Variants in TLL2 observed in about 807,000 individuals in gnomAD.
TLL2 encodes tolloid-like protein 2.
A neutral mutation model predicts 123.0 loss-of-function variants in TLL2; 106 were observed. The observed-to-expected ratio is 0.86, with a 90% CI of 0.74 to 1.01. The LOEUF (loss-of-function observed/expected upper bound fraction) is 1.01. TLL2 is among the 50% of genes least tolerant of loss of function. The pLI is 0.00. For missense variants in TLL2, 1,332 were observed against 1,336.7 expected, an observed-to-expected ratio of 1.00 and a Z score of 0.06; for synonymous variants, 494 against 516.8, an observed-to-expected ratio of 0.96 and a Z score of 0.60.
At chr10:96,374,974 G>T (rs113348540) in intron 18 of TLL2, among the ~76,000 whole-genome samples, 31,677 of 117,594 alleles carry the variant, frequency 0.27, 5,245 homozygotes, top group Non-Finnish European at 0.39. Flanking sequence ...GGGGGGGGGG[G>T]GGGTGTCAAT....
At position 96,373,812 on chromosome 10, in the gene TLL2, G is replaced by A. The variant is rs1171795736; in HGVS notation, c.2449-3C>T. On this transcript the variant is annotated splice_polypyrimidine_tract_variant and splice_region_variant and intron_variant, in intron 18 of 20. Coordinates refer to ENST00000357947, the MANE Select transcript of TLL2 (RefSeq NM_012465.4). ...TCGATCTCAAACTCATTAAAGGTCT[G>A]GGGACAGAAGAGCAGAAAGTAAGGC... is the stretch of plus-strand genomic sequence containing the variant. 1 of 1,612,554 alleles carries A rather than the reference G, an allele frequency of 6.2e-7. No individual in the cohort carries two copies. Among genetic ancestry groups the A allele is most frequent in the East Asian group, 2.2e-5 (1 of 44,872 alleles).
rs372806578 is a variant in TLL2, at chr10:96,513,450, A to G, written c.175+61T>C. The G allele has an allele frequency of 3.7e-6, 6 of 1,601,912 alleles. No homozygotes were observed. The African/African-American group carries it at 6.7e-5, about 18-fold the overall frequency. ...CATAGACGGTAGTGCAGGCTTGCCC[A>G]CCACCTCATTTGCATTTCAAAGGCA... On this transcript the variant is annotated intron_variant, in intron 1 of 20. Transcript: ENST00000357947.
chr10:96,400,684 T>G (rs1846384895), intron 10 of TLL2, among the ~76,000 whole-genome samples: 2 of 152,168 alleles, frequency 1.3e-5, no homozygotes, highest in South Asian at 4.1e-4. Context: ...CTCTCCCTAT[T>G]TCAGGGAAAG....
chr10:96,438,727 T>C (rs112772957), intron 3 of TLL2, among the ~76,000 whole-genome samples: 180 of 152,356 alleles, frequency 1.2e-3, no homozygotes, highest in African/African-American at 3.3e-3. Context: ...ATCCTTGCCT[T>C]GTTCTTGGTC....
chr10:96,429,387 A>G (rs533583744), intron 4 of TLL2, among the ~76,000 whole-genome samples: 3 of 151,156 alleles, frequency 2.0e-5, no homozygotes, highest in Admixed American at 2.0e-4. Context: ...GCTTGTTCAG[A>G]ATAGAAATAC....
intron 13 of TLL2, 148 bp downstream of exon 13, chr10:96,395,039 C>T (rs1313685424): frequency 2.5e-6 from 2 of 801,344 alleles, no homozygotes; most frequent in Non-Finnish European, 3.8e-6. Context: ...GCTGGGGGCT[C>T]ACACCCAGCT....
intron 2 of TLL2, among the ~76,000 whole-genome samples, chr10:96,450,311 A>G (rs1313619272): frequency 6.6e-6 from 1 of 152,036 alleles, no homozygotes; most frequent in African/African-American, 2.4e-5. Context: ...GGAGGCAACT[A>G]TTCTTCAAAC....
chr10:96,476,287 G>A (rs1395925553), intron 2 of TLL2, among the ~76,000 whole-genome samples: 1 of 125,310 alleles, frequency 8.0e-6, no homozygotes, highest in Non-Finnish European at 1.7e-5. Flanking sequence ...GTCTCACTCT[G>A]TCACTCAGAT....
In TLL2 at chr10:96,422,544, C is replaced by T. The variant is rs1261837249; in HGVS notation, c.817+5G>A. On this transcript the variant is annotated splice_donor_5th_base_variant and intron_variant, in intron 6 of 20. Transcript: ENST00000357947. ...GCCTTCCAGACTCCACACAGGCCTC[C>T]TTACCTGGCTGGATGTTTTCCCTGA... 2 of 1,614,018 alleles carry T rather than the reference C, an allele frequency of 1.2e-6. No homozygotes were observed. Among genetic ancestry groups the T allele is most frequent in the East Asian group, 2.2e-5 (1 of 44,876 alleles).
chr10:96,506,754 C>G (rs1001546814), intron 1 of TLL2, among the ~76,000 whole-genome samples: 1 of 152,046 alleles, frequency 6.6e-6, no homozygotes, highest in African/African-American at 2.4e-5. Flanking sequence ...GGATGCTCTC[C>G]CAACACACAT....
At chr10:96,401,940 G>A (rs1281626938) in intron 10 of TLL2, among the ~76,000 whole-genome samples, 1 of 152,176 alleles carries the variant, frequency 6.6e-6, no homozygotes, top group Non-Finnish European at 1.5e-5. Context: ...CACCCCTTGG[G>A]TTCAGCAGTC....
chr10:96,503,854 C>T (rs1847556095), intron 1 of TLL2, among the ~76,000 whole-genome samples: 1 of 152,134 alleles, frequency 6.6e-6, no homozygotes, highest in Non-Finnish European at 1.5e-5. Context: ...CTTTGGTGCT[C>T]AGGGAACATA....
At chr10:96,406,399 C>G (rs1002162255) in intron 9 of TLL2, among the ~76,000 whole-genome samples, 3 of 152,118 alleles carry the variant, frequency 2.0e-5, no homozygotes, top group African/African-American at 7.2e-5. Context: ...TCCACTCTTC[C>G]TCATCTCCAG....
intron 1 of TLL2, among the ~76,000 whole-genome samples, chr10:96,504,880 C>A (rs538704740): frequency 1.3e-5 from 2 of 152,028 alleles, no homozygotes; most frequent in Middle Eastern, 6.8e-3. Flanking sequence ...TGGTGGCGGG[C>A]GCCTGTAGCG....
At chr10:96,424,447 T>C (rs917111013) in intron 5 of TLL2, among the ~76,000 whole-genome samples, 1 of 152,158 alleles carries the variant, frequency 6.6e-6, no homozygotes, top group Admixed American at 6.5e-5. Flanking sequence ...CACCTACTGT[T>C]TACTCACAGA....
chr10:96,388,049 G>A (rs1317299768), intron 13 of TLL2, among the ~76,000 whole-genome samples: 2 of 152,112 alleles, frequency 1.3e-5, no homozygotes, highest in East Asian at 3.9e-4. Context: ...GAAAGGATAT[G>A]GGGAGAAGCG....
intron 5 of TLL2, among the ~76,000 whole-genome samples, chr10:96,425,827 T>C (rs1322576607): frequency 6.6e-6 from 1 of 151,996 alleles, no homozygotes; most frequent in Non-Finnish European, 1.5e-5. Context: ...ATATTCACAG[T>C]TTTTCTTTCT....
At chr10:96,503,841 G>A (rs1283332936) in intron 1 of TLL2, among the ~76,000 whole-genome samples, 2 of 152,242 alleles carry the variant, frequency 1.3e-5, no homozygotes, top group Non-Finnish European at 2.9e-5. Context: ...AGACGGTCAT[G>A]GGCTTTGGTG....
intron 13 of TLL2, among the ~76,000 whole-genome samples, chr10:96,393,574 C>A (rs1458826773): frequency 6.6e-6 from 1 of 152,154 alleles, no homozygotes; most frequent in African/African-American, 2.4e-5. Context: ...AGGGGCCACC[C>A]CAGGCTGGGA....
Sources: allele counts gnomAD v4.1 joint callset (sites outside exome capture counted in the v4.1 genomes callset), GRCh38; gene constraint gnomAD v4.1.1; transcripts MANE v1.5; gene names NCBI Gene and HGNC (gene_info 2026-07-23, HGNC 2026-07-21).